Variants in BIRC6 observed in about 807,000 individuals in gnomAD.
BIRC6 encodes the protein baculoviral IAP repeat containing 6.
In BIRC6, 98 loss-of-function variants were observed where a neutral mutation model predicts 503.3. The ratio of observed to expected loss-of-function variants is 0.19; its 90% CI spans 0.17 to 0.23. BIRC6 has a LOEUF of 0.23. Ranked by LOEUF, BIRC6 falls within the 10% of genes least tolerant of loss-of-function variation. The probability of loss-of-function intolerance (pLI) is 1.00; values close to 1 mark genes in which losing one functional copy is unlikely to be tolerated. For missense variants in BIRC6, 5,360 were observed against 5,806.0 expected (o/e 0.92, Z 2.50); for synonymous variants, 2,240 against 2,078.7 (o/e 1.08, Z -2.11).
chr2:32,581,924 G>T (rs543192000), intron 66 of BIRC6, among the ~76,000 whole-genome samples: 1 of 152,124 alleles, frequency 6.6e-6, no homozygotes, highest in Non-Finnish European at 1.5e-5. Context: ...GAGCAGTGGT[G>T]CGATCTTGGC....
intron 65 of BIRC6, among the ~76,000 whole-genome samples, chr2:32,561,163 A>G (rs2059151545): frequency 6.6e-6 from 1 of 151,180 alleles, no homozygotes; most frequent in Non-Finnish European, 1.5e-5. Context: ...ATGCCATTGC[A>G]CTGCAGCCTG....
At chr2:32,581,441 A>G (rs1418659249) in intron 66 of BIRC6, among the ~76,000 whole-genome samples, 1 of 152,164 alleles carries the variant, frequency 6.6e-6, no homozygotes, top group African/African-American at 2.4e-5. Flanking sequence ...GAACTTTTAG[A>G]TGTTATACCA....
intron 22 of BIRC6, among the ~76,000 whole-genome samples, chr2:32,452,790 A>T (rs1395459953): frequency 6.6e-6 from 1 of 152,146 alleles, no homozygotes; most frequent in Non-Finnish European, 1.5e-5. Flanking sequence ...ATAACCACTA[A>T]CATAGAATAT....
At chr2:32,580,834 ATAGT>A (rs960870346) in intron 66 of BIRC6, among the ~76,000 whole-genome samples, 34 of 152,294 alleles carry the variant, frequency 2.2e-4, no homozygotes, top group African/African-American at 7.0e-4. Flanking sequence ...GACTTAATAG[ATAGT>A]TAGTTTCCAG....
chr2:32,429,258 C>T lies in BIRC6; in HGVS notation c.2985C>T (p.Ser995=), dbSNP rs369896102. 3.8e-5 allele frequency: 58 copies of T among 1,537,568 alleles called. No homozygotes were observed. The highest frequency in any genetic ancestry group is 5.5e-5 in the African/African-American group (4 of 72,472). The part of the protein sequence containing the change: ...SKGIEPSSEG[S]KPLSNPSSPG... ...GAATAGAACCATCTTCAGAAGGTTC[C>T]AAACCTTTATCAAATCCTTCAAGTC... Residue 995 remains serine (S), a synonymous_variant, in exon 11 of 74, where the codon TCC becomes TCT. Coordinates refer to ENST00000421745, the MANE Select transcript of BIRC6 (RefSeq NM_016252.4).
chr2:32,532,601 G>T (rs1280803091), intron 61 of BIRC6, among the ~76,000 whole-genome samples: 1 of 152,086 alleles, frequency 6.6e-6, no homozygotes, highest in African/African-American at 2.4e-5. Flanking sequence ...CTTCATAGGT[G>T]CTAGGGGTTA....
chr2:32,546,598 T>A (rs562062828), intron 63 of BIRC6, among the ~76,000 whole-genome samples: 104 of 151,028 alleles, frequency 6.9e-4, no homozygotes, highest in African/African-American at 2.4e-3. Context: ...AAAAAAAAAA[T>A]ACCAAAATAA....
intron 13 of BIRC6, among the ~76,000 whole-genome samples, chr2:32,434,329 G>C (rs1156629751): frequency 6.6e-6 from 1 of 152,132 alleles, no homozygotes; most frequent in East Asian, 1.9e-4. Context: ...TAGTTTAAGA[G>C]GCTGGGGATA....
At chr2:32,445,395 T>C (rs1254373081) in intron 20 of BIRC6, 126 bp from the exon 21 acceptor site, 3 of 967,394 alleles carry the variant, frequency 3.1e-6, no homozygotes, top group African/African-American at 3.4e-5. Flanking sequence ...TATAAGATTG[T>C]CTTTCCAGAA....
chr2:32,423,834 G>A (rs1427114386), intron 10 of BIRC6, among the ~76,000 whole-genome samples: 1 of 152,038 alleles, frequency 6.6e-6, no homozygotes, highest in Non-Finnish European at 1.5e-5. Flanking sequence ...TCCCATCCAG[G>A]ACACAAATCA....
intron 5 of BIRC6, among the ~76,000 whole-genome samples, chr2:32,393,245 AAC>A: frequency 6.6e-6 from 1 of 152,248 alleles, no homozygotes; most frequent in East Asian, 1.9e-4. Flanking sequence ...AGTCAAGAAA[AAC>A]AGTCATAGTT....
intron 1 of BIRC6, among the ~76,000 whole-genome samples, chr2:32,361,309 A>G (rs527272029): frequency 1.3e-5 from 2 of 152,280 alleles, no homozygotes; most frequent in African/African-American, 4.8e-5. Context: ...GTACTTCCTT[A>G]TATACTAATT....
intron 31 of BIRC6, 133 bp from the exon 32 acceptor site, chr2:32,470,881 A>G: frequency 4.5e-6 from 4 of 882,222 alleles, no homozygotes; most frequent in South Asian, 4.0e-5. Context: ...CTTATTACAT[A>G]TAAATATTAG....
intron 1 of BIRC6, among the ~76,000 whole-genome samples, chr2:32,368,947 A>G (rs1357100100): frequency 1.3e-5 from 2 of 152,160 alleles, no homozygotes; most frequent in Non-Finnish European, 2.9e-5. Context: ...CCACTGTGTC[A>G]TTATGGCATT....
rs1258081532 is a variant in BIRC6, at chr2:32,515,156, A to G, written c.10735A>G (p.Met3579Val). ...AGTGCAATGTCATCATAGACTGTCC[A>G]TGACAGATGATAGCAAAAAGCAGGA... ...PPVQCHHRLS[M>V]TDDSKKQDLS... is the part of the protein sequence containing the mutation. The change falls in exon 55 of 74, where the codon ATG becomes GTG. Residue 3579 changes from methionine (M) to valine (V), a missense_variant. Met to Val is a conservative substitution (Grantham distance 21). Around this residue, in one of 16 missense-constraint regions of BIRC6, gnomAD observed 878 missense variants for 928.9 expected, o/e 0.95. Coordinates refer to ENST00000421745, the MANE Select transcript of BIRC6 (RefSeq NM_016252.4). The G allele has an allele frequency of 6.8e-6, 11 of 1,613,874 alleles. No homozygotes were observed. The highest frequency in any genetic ancestry group is 1.6e-4 in the Middle Eastern group (1 of 6,084).
chr2:32,453,693 A>G (rs2046948662), intron 22 of BIRC6, 115 bp from the exon 23 acceptor site: 1 of 986,864 alleles, frequency 1.0e-6, no homozygotes. Flanking sequence ...ACTGTGTAAG[A>G]GTTGTGTATT....
intron 66 of BIRC6, among the ~76,000 whole-genome samples, chr2:32,585,351 T>G (rs903615324): frequency 7.9e-5 from 12 of 152,012 alleles, no homozygotes; most frequent in African/African-American, 2.9e-4. Context: ...TTCTACCAAT[T>G]AAATTTTGAT....
Position 32,618,222 on chromosome 2 carries a change from TA to T in BIRC6, c.*319del, listed in dbSNP as rs1195423530. The T allele has an allele frequency of 4.4e-4, 66 of 150,606 alleles. No homozygotes were observed. The highest frequency in any genetic ancestry group is 1.5e-3 in the African/African-American group (52 of 34,136). 9.3% of individuals were successfully genotyped at this position (150,606 alleles called of 1,614,324 possible). A position where few individuals can be genotyped will look rare whatever the true frequency, so the allele number is the denominator to read the frequency against. On this transcript the variant is annotated 3_prime_UTR_variant, in exon 74 of 74. Coordinates refer to ENST00000421745, the MANE Select transcript of BIRC6 (RefSeq NM_016252.4). ...AAGAATGTTTACTGAATGTTTATTT[TA>T]TTTTATTTTTTTTTTACTATAGAGT... is the stretch of plus-strand genomic sequence containing the variant.
At chr2:32,581,438 T>A (rs139883367) in intron 66 of BIRC6, among the ~76,000 whole-genome samples, 1 of 152,252 alleles carries the variant, frequency 6.6e-6, no homozygotes, top group Non-Finnish European at 1.5e-5. Context: ...GAAGAACTTT[T>A]AGATGTTATA....
Sources: allele counts gnomAD v4.1 joint callset (sites outside exome capture counted in the v4.1 genomes callset), GRCh38; gene constraint gnomAD v4.1.1; regional missense constraint gnomAD v4.1.1; transcripts MANE v1.5; gene names NCBI Gene and HGNC (gene_info 2026-07-23, HGNC 2026-07-21).